The following CIMIP2A variants were observed in gnomAD, a reference collection of about 807,000 sequenced individuals.
The protein encoded by CIMIP2A is family with sequence similarity 166 member A.
At chr9:137,244,304 G>A in the CIMIP2A span, 9 of 1,613,258 alleles carry the variant, frequency 5.6e-6, no homozygotes, top group South Asian at 7.7e-5. Context: ...GAGACAGGAA[G>A]GTGCTAACAA....
At chr9:137,244,074 A>T in the CIMIP2A span, 1 of 1,248,282 alleles carries the variant, frequency 8.0e-7, no homozygotes, top group Non-Finnish European at 1.2e-6. Flanking sequence ...ATGGTCAGAC[A>T]GGTGGTCCTG....
the CIMIP2A span, chr9:137,252,944 T>A: frequency 6.2e-7 from 1 of 1,600,172 alleles, no homozygotes; most frequent in East Asian, 2.3e-5. Flanking sequence ...CTCCCCTGCG[T>A]TCACCTCCTG....
chr9:137,251,860 C>G, the CIMIP2A span: 1 of 1,608,556 alleles, frequency 6.2e-7, no homozygotes, highest in African/African-American at 1.3e-5. Context: ...CCCCAGGAGT[C>G]CCTGCCCACC....
At chr9:137,245,828 G>A in the CIMIP2A span, 33 of 1,508,148 alleles carry the variant, frequency 2.2e-5, no homozygotes, top group Middle Eastern at 1.9e-4. Flanking sequence ...ACCTGGTAGC[G>A]CAGCTGCGGA....
chr9:137,245,933 G>A, the CIMIP2A span: 1 of 1,192,930 alleles, frequency 8.4e-7, no homozygotes, highest in Non-Finnish European at 1.1e-6. Flanking sequence ...AGCCAGATGT[G>A]GATTCAGCCT....
chr9:137,244,409 A>T, the CIMIP2A span: 2 of 1,561,642 alleles, frequency 1.3e-6, no homozygotes, highest in Non-Finnish European at 1.7e-6. Flanking sequence ...TAATGCTCCC[A>T]GCCTTCTGCA....
At chr9:137,243,815 CTGGGCTTATGTGCCCAGGACCAGCA>C in the CIMIP2A span, 1 of 1,612,552 alleles carries the variant, frequency 6.2e-7, no homozygotes, top group South Asian at 1.1e-5. Flanking sequence ...TGCAGCTGAG[CTGGGCTTATGTGCCCAGGACCAGCA>C]TGGGCTGGAC....
chr9:137,249,467 G>A, the CIMIP2A span, among the ~76,000 whole-genome samples: 3 of 152,214 alleles, frequency 2.0e-5, no homozygotes, highest in South Asian at 2.1e-4. Flanking sequence ...CATAGCCCTT[G>A]GTAGGGCCTT....
At chr9:137,252,311 G>A in the CIMIP2A span, 2 of 1,319,342 alleles carry the variant, frequency 1.5e-6, no homozygotes, top group South Asian at 2.7e-5. Flanking sequence ...TAGGGCTGGG[G>A]CATGGGTGGA....
chr9:137,250,893 A>C, the CIMIP2A span: 1 of 214,850 alleles, frequency 4.7e-6, no homozygotes, highest in Non-Finnish European at 9.5e-6. Context: ...CTGGCTGGCC[A>C]GACACAGCTG....
the CIMIP2A span, among the ~76,000 whole-genome samples, chr9:137,251,577 G>A: frequency 2.0e-5 from 3 of 149,910 alleles, no homozygotes; most frequent in Non-Finnish European, 4.4e-5. Context: ...GGGGACAGGC[G>A]GCTGGGAGCG....
the CIMIP2A span, chr9:137,253,375 A>G: frequency 6.6e-7 from 1 of 1,520,572 alleles, no homozygotes; most frequent in East Asian, 2.7e-5. Context: ...ACCCCGATGC[A>G]CCCTTCTGGC....
chr9:137,243,694 G>A, the CIMIP2A span: 3 of 1,614,114 alleles, frequency 1.9e-6, no homozygotes, highest in Non-Finnish European at 2.5e-6. Context: ...CACCATTAAA[G>A]CATTTTCATA....
At chr9:137,244,427 AC>A in the CIMIP2A span, 45 of 1,527,858 alleles carry the variant, frequency 2.9e-5, no homozygotes, top group Non-Finnish European at 3.6e-5. Flanking sequence ...GCATCCCCCT[AC>A]CCCCGACTCC....
the CIMIP2A span, chr9:137,251,968 A>G: frequency 6.2e-7 from 1 of 1,602,166 alleles, no homozygotes; most frequent in South Asian, 1.1e-5. Context: ...CGCTGAAAGG[A>G]GCCCAGGCCC....
At chr9:137,243,912 T>C in the CIMIP2A span, 4 of 1,146,324 alleles carry the variant, frequency 3.5e-6, no homozygotes, top group African/African-American at 4.6e-5. Context: ...GGTGGGGAAC[T>C]TGCTTGTTGA....
chr9:137,251,236 G>C, the CIMIP2A span: 13 of 1,219,100 alleles, frequency 1.1e-5, no homozygotes, highest in Non-Finnish European at 1.6e-5. Context: ...GCCTACCAGT[G>C]AGGTCACAGA....
the CIMIP2A span, chr9:137,252,832 T>A: frequency 1.9e-6 from 3 of 1,570,720 alleles, no homozygotes; most frequent in Non-Finnish European, 2.6e-6. Flanking sequence ...TTCAGGCCTC[T>A]TTGCAGGCAC....
chr9:137,252,134 A>C, the CIMIP2A span: 1 of 1,608,008 alleles, frequency 6.2e-7, no homozygotes, highest in Non-Finnish European at 8.5e-7. Flanking sequence ...ACCAGGGCCG[A>C]GGTGTGTGTC....
Sources: allele counts gnomAD v4.1 joint callset (sites outside exome capture counted in the v4.1 genomes callset), GRCh38; gene constraint gnomAD v4.1.1; transcripts MANE v1.5; gene names NCBI Gene and HGNC (gene_info 2026-07-23, HGNC 2026-07-21).